SH2D6: variants seen among roughly 807,000 people sequenced by gnomAD.
SH2D6 encodes the protein SH2 domain-containing protein 6.
A neutral mutation model predicts 30.2 loss-of-function variants in SH2D6; 31 were observed. The ratio of observed to expected loss-of-function variants is 1.03; its 90% CI spans 0.77 to 1.38. SH2D6 has a LOEUF of 1.38. Among genes scored for constraint, SH2D6 ranks in the 40% most tolerant of loss-of-function variants. The pLI is 0.00. For missense variants in SH2D6, 240 were observed against 266.8 expected, an observed-to-expected ratio of 0.90 and a Z score of 0.70; for synonymous variants, 93 against 104.6, an observed-to-expected ratio of 0.89 and a Z score of 0.68.
Position 85,436,488 on chromosome 2 carries a change from T to G in SH2D6, c.914T>G (p.Met305Arg). 6.2e-7 allele frequency: 1 copy of G among 1,613,672 alleles called. No homozygotes were observed. Among genetic ancestry groups the G allele is most frequent in the Non-Finnish European group, 8.5e-7 (1 of 1,179,982 alleles). The change falls in exon 23 of 24, where the codon ATG becomes AGG. Residue 305 changes from methionine (M) to arginine (R), a missense_variant. Transcript: ENST00000469800. ...CAGCTCTTCTCCTCCGTGGCGGCCA[T>G]GGTCCAGCACTTCATGTGGCACCCT... ...REELFSSVAA[M>R]VQHFMWHPLP...
At chr2:85,433,492 C>T (rs556422507) in intron 15 of SH2D6, 79 bp from the exon 16 acceptor site, 11 of 762,684 alleles carry the variant, frequency 1.4e-5, no homozygotes, top group East Asian at 1.3e-4. Context: ...ATCGATGGCT[C>T]CTCCCCCAAA....
chr2:85,426,491 A>G (rs1376435661), intron 6 of SH2D6, among the ~76,000 whole-genome samples: 10 of 152,084 alleles, frequency 6.6e-5, no homozygotes, highest in African/African-American at 2.4e-4. Flanking sequence ...CTAATTCCAG[A>G]GAGGGTCCTG....
intron 5 of SH2D6, among the ~76,000 whole-genome samples, chr2:85,424,288 A>C (rs988555070): frequency 5.9e-5 from 9 of 151,618 alleles, no homozygotes; most frequent in Non-Finnish European, 1.2e-4. Context: ...CCCCCACATA[A>C]CCTCCTGTTG....
intron 2 of SH2D6, 81 bp downstream of exon 2, chr2:85,419,325 C>T (rs1687662140): frequency 6.6e-6 from 1 of 152,338 alleles, no homozygotes; most frequent in Admixed American, 6.5e-5. Flanking sequence ...TCTCCTCACA[C>T]CTCAGGGTCA....
Position 85,435,804 on chromosome 2 carries a change from G to A in SH2D6, c.871G>A (p.Glu291Lys), listed in dbSNP as rs1022617717. 1 of 1,598,660 alleles carries A rather than the reference G, an allele frequency of 6.3e-7. No homozygotes were observed. Among genetic ancestry groups the A allele is most frequent in the Admixed American group, 1.7e-5 (1 of 57,440 alleles). The change falls in exon 22 of 24, where the codon GAG becomes AAG. Residue 291 changes from glutamate (E) to lysine (K), a missense_variant. Glu to Lys is a moderately conservative substitution (Grantham distance 56). Transcript: ENST00000469800. The part of the protein sequence containing the change: ...DGGRHYALGR[E>K]GRNREELFSS... The stretch of plus-strand genomic sequence containing the variant: ...CGGACGCCACTATGCCCTGGGCCGG[G>A]AGGGCAGGAACCGTGAGGAGGTGGG...
At chr2:85,436,632 C>T (rs555350811) in intron 23 of SH2D6, 38 bp downstream of exon 23, 35 of 1,487,540 alleles carry the variant, frequency 2.4e-5, no homozygotes, top group South Asian at 9.1e-5. Context: ...CTTCTTGTCC[C>T]GCCCCACCTT....
chr2:85,425,528 A>G (rs192676508), intron 6 of SH2D6, 121 bp downstream of exon 6: 1 of 152,192 alleles, frequency 6.6e-6, no homozygotes, highest in Non-Finnish European at 1.5e-5. Context: ...GCAGCCTCCC[A>G]AAGTGTTGGG....
At chr2:85,429,021 C>T (rs1688307578) in intron 7 of SH2D6, among the ~76,000 whole-genome samples, 1 of 152,246 alleles carries the variant, frequency 6.6e-6, no homozygotes, top group South Asian at 2.1e-4. Context: ...GCGCTTCCCT[C>T]GCCTTCATCT....
chr2:85,435,015 A>ACCCCCCCCCCC, intron 19 of SH2D6, 50 bp from the exon 20 acceptor site: 11 of 589,486 alleles, frequency 1.9e-5, no homozygotes, highest in South Asian at 7.8e-5. Context: ...ACCTTTGCCC[A>ACCCCCCCCCCC]CCCCCACCCC....
Position 85,436,861 on chromosome 2 carries a change from CTAG to C in SH2D6, c.*38_*40del, listed in dbSNP as rs1449563952. On this transcript the variant is annotated 3_prime_UTR_variant, in exon 24 of 24. Transcript: ENST00000469800. ...GGAATGCAGGTGTCTGCCCAGTTCA[CTAG>C]GTCCTGGATGAAGGAACCGTGGTGG... The C allele has an allele frequency of 2.4e-6, 1 of 420,702 alleles. No individual in the cohort carries two copies. Among genetic ancestry groups the C allele is most frequent in the Non-Finnish European group, 4.4e-6 (1 of 225,344 alleles). 26.1% of individuals were successfully genotyped at this position (420,702 alleles called of 1,614,324 possible). A position where few individuals can be genotyped will look rare whatever the true frequency, so the allele number is the denominator to read the frequency against.
intron 4 of SH2D6, 39 bp downstream of exon 4, chr2:85,422,529 T>C (rs1386578229): frequency 6.6e-6 from 1 of 152,202 alleles, no homozygotes; most frequent in Non-Finnish European, 1.5e-5. Flanking sequence ...ATGGAGGGAC[T>C]GGGGATGGGG....
intron 5 of SH2D6, among the ~76,000 whole-genome samples, chr2:85,424,479 G>A (rs1403345958): frequency 6.6e-6 from 1 of 152,158 alleles, no homozygotes; most frequent in African/African-American, 2.4e-5. Flanking sequence ...GTTGGGCACA[G>A]TAGGTCTCAC....
At chr2:85,428,139 C>A (rs184898244) in intron 6 of SH2D6, among the ~76,000 whole-genome samples, 4 of 152,306 alleles carry the variant, frequency 2.6e-5, no homozygotes, top group Admixed American at 2.6e-4. Context: ...CGCCACGCTT[C>A]TCAGAAAGTC....
intron 14 of SH2D6, among the ~76,000 whole-genome samples, chr2:85,432,736 A>G (rs1048820541): frequency 1.3e-5 from 2 of 151,810 alleles, no homozygotes; most frequent in Non-Finnish European, 2.9e-5. Context: ...AGATTTCACC[A>G]TGTTGGCCAG....
rs1276951980 is a variant in SH2D6 at position 85,432,245 on chromosome 2, C to T, written c.370+286C>T. Among the ~76,000 whole-genome samples, 3 of 142,844 alleles carry T rather than the reference C, an allele frequency of 2.1e-5. No homozygotes were observed. The East Asian group carries it at 6.3e-4, about 30-fold the overall frequency. The allele number at this position is 142,844 out of a possible 152,430, so 93.7% of individuals were successfully genotyped here. The stretch of plus-strand genomic sequence containing the variant: ...TTTTTTTTTTTTTGGCTCGGCTGCT[C>T]TGATTTTTTTTTTTTTTATTGAGTC... On this transcript the variant is annotated intron_variant, in intron 14 of 23. Transcript: ENST00000469800.
intron 17 of SH2D6, 32 bp from the exon 18 acceptor site, chr2:85,434,308 C>T: frequency 1.3e-6 from 2 of 1,535,558 alleles, no homozygotes; most frequent in Non-Finnish European, 1.8e-6. Flanking sequence ...CATAAAGACC[C>T]TGAGTTCTGT....
chr2:85,434,408 A>G, intron 18 of SH2D6, 38 bp downstream of exon 18: 1 of 1,550,596 alleles, frequency 6.4e-7, no homozygotes. Flanking sequence ...AGAGGGAGGC[A>G]GGGAGGGAGG....
At chr2:85,429,181 G>C (rs774859730) in intron 7 of SH2D6, among the ~76,000 whole-genome samples, 191 bp from the exon 8 acceptor site, 10 of 152,226 alleles carry the variant, frequency 6.6e-5, no homozygotes, top group Non-Finnish European at 1.2e-4. Context: ...ACTGATCAGA[G>C]AGCTGAAGGA....
rs548480383 is a variant in SH2D6, at chr2:85,420,756, G to A, written c.-576-1447G>A. 3.3e-5 allele frequency: 5 copies of A among 152,378 alleles called. No homozygotes were observed. In the East Asian group the frequency reaches 9.6e-4, roughly 29 times the overall value. The allele number at this position is 152,378 out of a possible 1,614,324, so 9.4% of individuals were successfully genotyped here. On this transcript the variant is annotated intron_variant, in intron 2 of 23. Coordinates refer to ENST00000469800, the MANE Select transcript of SH2D6 (RefSeq NM_001394463.1). The stretch of plus-strand genomic sequence containing the variant: ...TAAAGCCTGGGTCGGTGGTCCTCCA[G>A]GCCACGCCCCTTCCACCGTCAGCCT...
Sources: gnomAD v4.1 joint callset for allele counts (sites outside exome capture counted in the v4.1 genomes callset) on GRCh38, gnomAD v4.1.1 for gene constraint, MANE v1.5 for transcripts, NCBI Gene and HGNC (gene_info 2026-07-23, HGNC 2026-07-21) for gene names.